The following STK32B variants were observed in gnomAD, a reference collection of about 807,000 sequenced individuals.
STK32B encodes serine/threonine kinase 32B, also known as serine/threonine-protein kinase 32B.
A neutral mutation model predicts 52.6 loss-of-function variants in STK32B; 43 were observed. That is an observed-to-expected ratio of 0.82 (90% CI 0.64 to 1.05). The LOEUF (loss-of-function observed/expected upper bound fraction) is 1.05. Ranked by LOEUF, STK32B falls within the 50% of genes least tolerant of loss-of-function variation. The pLI is 0.00. For missense variants in STK32B, 621 were observed against 534.6 expected, an observed-to-expected ratio of 1.16 and a Z score of -1.59; for synonymous variants, 238 against 204.3, an observed-to-expected ratio of 1.17 and a Z score of -1.41.
At chr4:5,230,607 T>C (rs1296754480) in intron 3 of STK32B, among the ~76,000 whole-genome samples, 4 of 152,202 alleles carry the variant, frequency 2.6e-5, no homozygotes, top group Non-Finnish European at 2.9e-5. Context: ...GAAAATCATT[T>C]TGAACTTCTG....
At chr4:5,209,405 G>A (rs1034445338) in intron 3 of STK32B, among the ~76,000 whole-genome samples, 2 of 147,130 alleles carry the variant, frequency 1.4e-5, no homozygotes, top group South Asian at 2.1e-4. Flanking sequence ...TGTATTTTTT[G>A]TAGAGATGGG....
At chr4:5,418,815 G>A (rs140002687) in intron 6 of STK32B, among the ~76,000 whole-genome samples, 3 of 152,320 alleles carry the variant, frequency 2.0e-5, no homozygotes, top group South Asian at 2.1e-4. Flanking sequence ...TTCCCTGACC[G>A]CATAAACAGT....
At chr4:5,393,040 A>G (rs945735937) in intron 4 of STK32B, among the ~76,000 whole-genome samples, 34 of 152,236 alleles carry the variant, frequency 2.2e-4, no homozygotes, top group African/African-American at 8.2e-4. Context: ...AGAATGATCC[A>G]TGCCAATACA....
intron 3 of STK32B, among the ~76,000 whole-genome samples, chr4:5,245,583 A>T (rs1479612617): frequency 6.6e-6 from 1 of 152,038 alleles, no homozygotes; most frequent in African/African-American, 2.4e-5. Flanking sequence ...TTTAAGGTTA[A>T]TATTGTTATG....
chr4:5,343,443 T>C (rs186248868), intron 4 of STK32B, among the ~76,000 whole-genome samples: 37 of 152,308 alleles, frequency 2.4e-4, no homozygotes, highest in Non-Finnish European at 4.4e-4. Flanking sequence ...TAGCATGATT[T>C]ATAATCCTTT....
intron 1 of STK32B, among the ~76,000 whole-genome samples, chr4:5,090,669 C>A (rs1713030232): frequency 6.6e-6 from 1 of 152,054 alleles, no homozygotes; most frequent in Non-Finnish European, 1.5e-5. Flanking sequence ...GGCCTTTAAT[C>A]CATCTTGAGT....
intron 11 of STK32B, among the ~76,000 whole-genome samples, chr4:5,490,630 T>A (rs1443063929): frequency 6.6e-6 from 1 of 152,058 alleles, no homozygotes; most frequent in Non-Finnish European, 1.5e-5. Context: ...AAAGTGCAGG[T>A]TAGTTACATG....
the STK32B span, among the ~76,000 whole-genome samples, chr4:5,039,385 T>C: frequency 6.6e-6 from 1 of 152,212 alleles, no homozygotes; most frequent in African/African-American, 2.4e-5. Context: ...AAGACACAAA[T>C]ACGCACATTA....
intron 11 of STK32B, among the ~76,000 whole-genome samples, chr4:5,494,448 T>C (rs1720033143): frequency 6.6e-6 from 1 of 151,940 alleles, no homozygotes; most frequent in African/African-American, 2.4e-5. Flanking sequence ...CTCCATCCCT[T>C]TATTTTGAGC....
intron 4 of STK32B, 30 bp downstream of exon 4, chr4:5,331,423 A>G (rs541928602): frequency 6.3e-7 from 1 of 1,588,506 alleles, no homozygotes; most frequent in South Asian, 1.1e-5. Flanking sequence ...GATGCCTGGG[A>G]CAGAGGGACC....
At position 5,051,769 on chromosome 4, in the gene STK32B, C is replaced by A; in HGVS notation, c.-95C>A. ...GCGCGCGGCTACAACCCGGACTGGG[C>A]GCGCCCCCGGCATCCCGCATCTCTG... On this transcript the variant is annotated 5_prime_UTR_variant, in exon 1 of 12. Transcript: ENST00000282908. The A allele has an allele frequency of 6.6e-7, 1 of 1,518,592 alleles. No individual in the cohort carries two copies. The highest frequency in any genetic ancestry group is 2.5e-5 in the East Asian group (1 of 39,934). The allele number at this position is 1,518,592 out of a possible 1,614,324, so 94.1% of individuals were successfully genotyped here.
chr4:5,180,846 AAT>A (rs1720297785), intron 3 of STK32B, among the ~76,000 whole-genome samples: 1 of 152,148 alleles, frequency 6.6e-6, no homozygotes, highest in Admixed American at 6.5e-5. Context: ...CTAAAGAACG[AAT>A]GATTTGTGCT....
In STK32B at chr4:5,499,035, C is replaced by T. The variant is rs141820982; in HGVS notation, c.1197C>T (p.Cys399=). 6.2e-7 allele frequency: 1 copy of T among 1,613,660 alleles called. No homozygotes were observed. The highest frequency in any genetic ancestry group is 1.3e-5 in the African/African-American group (1 of 74,910). The change falls in exon 12 of 12, where the codon TGC becomes TGT. Residue 399 remains cysteine, a synonymous_variant. Transcript: ENST00000282908. ...GQAQSKLQDG[C]NNNLLTHTCT... ...CCCAAAGCAAGCTCCAGGACGGGTG[C>T]AACAACAACCTCCTCACCCACACCT...
At chr4:5,422,988 G>T (rs1038232419) in intron 6 of STK32B, among the ~76,000 whole-genome samples, 1 of 152,168 alleles carries the variant, frequency 6.6e-6, no homozygotes, top group Admixed American at 6.5e-5. Context: ...GGGAGAACTT[G>T]GCAGCTCCAT....
At chr4:5,375,540 C>T (rs898999780) in intron 4 of STK32B, among the ~76,000 whole-genome samples, 1 of 151,964 alleles carries the variant, frequency 6.6e-6, no homozygotes, top group Non-Finnish European at 1.5e-5. Flanking sequence ...ACTTGATTTC[C>T]AAGAGCTCTT....
At chr4:5,191,256 CTT>C (rs11288646) in intron 3 of STK32B, among the ~76,000 whole-genome samples, 2 of 146,134 alleles carry the variant, frequency 1.4e-5, no homozygotes, top group Non-Finnish European at 3.0e-5. Context: ...TCCTGCATTC[CTT>C]TTTTTTTTTT....
chr4:5,441,192 C>T (rs1409828266), intron 6 of STK32B, among the ~76,000 whole-genome samples: 1 of 150,554 alleles, frequency 6.6e-6, no homozygotes, highest in Non-Finnish European at 1.5e-5. Flanking sequence ...ACCAGTTCCT[C>T]CTTGTACCTC....
At chr4:5,306,201 G>A (rs998309867) in intron 3 of STK32B, among the ~76,000 whole-genome samples, 3 of 152,118 alleles carry the variant, frequency 2.0e-5, no homozygotes, top group Admixed American at 6.5e-5. Context: ...AGAATGTTCT[G>A]TAAATATTTG....
intron 3 of STK32B, among the ~76,000 whole-genome samples, chr4:5,176,284 G>T (rs184373905): frequency 1.1e-4 from 17 of 152,132 alleles, no homozygotes; most frequent in African/African-American, 3.6e-4. Context: ...TTTGGTTCAC[G>T]CATGGTGTGC....
Sources: gnomAD v4.1 joint callset for allele counts (sites outside exome capture counted in the v4.1 genomes callset) on GRCh38, gnomAD v4.1.1 for gene constraint, MANE v1.5 for transcripts, NCBI Gene and HGNC (gene_info 2026-07-23, HGNC 2026-07-21) for gene names.